The following TET3 variants were observed in gnomAD, a reference collection of about 807,000 sequenced individuals.
TET3 encodes methylcytosine dioxygenase TET3.
TET3 carries 19 observed loss-of-function variants against 141.4 expected under a neutral mutation model. That is an observed-to-expected ratio of 0.13 (90% CI 0.09 to 0.20). The LOEUF (loss-of-function observed/expected upper bound fraction) is 0.20, where lower values mean the gene tolerates loss of function less well. Among genes scored for constraint, TET3 ranks in the 10% least tolerant of loss-of-function variants. The pLI is 1.00. For missense variants in TET3, 1,874 were observed against 2,356.9 expected (o/e 0.80, Z 4.24); for synonymous variants, 1,043 against 980.9 (o/e 1.06, Z -1.18).
In TET3 at chr2:74,003,147, G is replaced by A; in HGVS notation, c.341G>A (p.Gly114Glu). The A allele has an allele frequency of 6.4e-7, 1 of 1,550,492 alleles. No individual in the cohort carries two copies. Among genetic ancestry groups the A allele is most frequent in the Non-Finnish European group, 8.7e-7 (1 of 1,146,942 alleles). Reference protein sequence around the residue: ...IKAGEGAGPWGQGAAVKTGSE... With the variant: ...IKAGEGAGPWEQGAAVKTGSE... ...GCTGGTGAAGGAGCCGGGCCGTGGG[G>A]ACAAGGAGCGGCTGTCAAGGTACCT... is the stretch of plus-strand genomic sequence containing the variant. The change falls in exon 3 of 12, where the codon GGA becomes GAA. Residue 114 changes from glycine (G) to glutamate (E), a missense_variant. Physicochemically the swap from Gly to Glu is moderately conservative, Grantham distance 98. This residue lies in a region of TET3 where 366 missense variants were observed against 487.0 expected (regional missense o/e 0.75). Coordinates refer to ENST00000409262, the MANE Select transcript of TET3 (RefSeq NM_001287491.2).
intron 3 of TET3, among the ~76,000 whole-genome samples, chr2:74,034,558 A>G (rs1686923073): frequency 1.4e-5 from 2 of 147,104 alleles, no homozygotes; most frequent in Admixed American, 1.4e-4. Context: ...GGACATATGT[A>G]GTCCTCGAGC....
the TET3 span, among the ~76,000 whole-genome samples, chr2:74,127,958 T>G: frequency 9.9e-5 from 15 of 152,238 alleles, no homozygotes; most frequent in African/African-American, 1.4e-4. Flanking sequence ...GAATTTCCAT[T>G]TCTAGTCAAA....
chr2:74,018,047 A>T (rs1685829570), intron 3 of TET3, among the ~76,000 whole-genome samples: 1 of 144,806 alleles, frequency 6.9e-6, no homozygotes, highest in South Asian at 2.1e-4. Context: ...GGCTCACTGC[A>T]ACCTCCTCCT....
At chr2:74,099,251 C>G in intron 10 of TET3, 25 bp from the exon 11 acceptor site, 1 of 1,543,772 alleles carries the variant, frequency 6.5e-7, no homozygotes, top group South Asian at 1.2e-5. Context: ...ACCCCATGTC[C>G]TCTCTCCCCC....
intron 3 of TET3, 147 bp downstream of exon 3, chr2:74,003,313 G>A (rs960999017): frequency 1.3e-5 from 13 of 1,013,806 alleles, no homozygotes; most frequent in Non-Finnish European, 1.8e-5. Context: ...GAGGGGCGGC[G>A]GGGGTGTGGG....
chr2:74,029,550 C>A (rs1686557763), intron 3 of TET3, among the ~76,000 whole-genome samples: 1 of 152,180 alleles, frequency 6.6e-6, no homozygotes, highest in Non-Finnish European at 1.5e-5. Context: ...TGAGAAAAAA[C>A]CACTGATATA....
chr2:74,131,827 C>T, the TET3 span, among the ~76,000 whole-genome samples: 830 of 152,016 alleles, frequency 5.5e-3, 5 homozygotes, highest in Non-Finnish European at 5.4e-3. Flanking sequence ...TGGGATTAAA[C>T]ACGTTCTTCT....
In TET3 at chr2:74,102,071, G is replaced by A; in HGVS notation, c.5283G>A (p.Gly1761=). The A allele has an allele frequency of 2.0e-6, 3 of 1,514,738 alleles. No homozygotes were observed. The highest frequency in any genetic ancestry group is 2.6e-6 in the Non-Finnish European group (3 of 1,133,222). The allele number at this position is 1,514,738 out of a possible 1,614,324, so 93.8% of individuals were successfully genotyped here. The change falls in exon 12 of 12, where the codon GGG becomes GGA. Residue 1761 remains glycine (G), a synonymous_variant. Coordinates refer to ENST00000409262, the MANE Select transcript of TET3 (RefSeq NM_001287491.2). ...AGCCCCAGCAGAAAGAGAAGAAGGG[G>A]GTCGTCCCCACCCGGCAGGCACTGG... ...VAEPQQKEKK[G]VVPTRQALAV... is the part of the protein sequence containing the mutation.
chr2:74,032,014 C>G (rs1167078572), intron 3 of TET3, among the ~76,000 whole-genome samples: 2 of 152,184 alleles, frequency 1.3e-5, no homozygotes, highest in African/African-American at 4.8e-5. Flanking sequence ...ACCTCATCTA[C>G]TAAAATGGAT....
At chr2:74,028,794 A>G (rs1019419968) in intron 3 of TET3, among the ~76,000 whole-genome samples, 2 of 152,242 alleles carry the variant, frequency 1.3e-5, no homozygotes, top group Non-Finnish European at 2.9e-5. Context: ...GAATTACTAG[A>G]AAAATGATCA....
chr2:74,032,304 G>A (rs1312734826), intron 3 of TET3, among the ~76,000 whole-genome samples: 2 of 150,718 alleles, frequency 1.3e-5, no homozygotes, highest in African/African-American at 2.4e-5. Flanking sequence ...GGAGGTGTGG[G>A]TGATGAGGAG....
At chr2:74,003,187 CGTGTGTGTGCGTGT>C (rs1684956528) in intron 3 of TET3, 21 bp downstream of exon 3, 4 of 1,233,490 alleles carry the variant, frequency 3.2e-6, no homozygotes, top group African/African-American at 1.8e-5. Flanking sequence ...TGTGTGCGTG[CGTGTGTGTGCGTGT>C]GTGTGGTGGC....
chr2:74,074,720 G>A (rs148015449), intron 5 of TET3, among the ~76,000 whole-genome samples: 2 of 151,112 alleles, frequency 1.3e-5, no homozygotes, highest in East Asian at 3.9e-4. Flanking sequence ...GGAGTGTCCC[G>A]AGGATAAACT....
chr2:74,053,264 A>G (rs1237809404), intron 4 of TET3, among the ~76,000 whole-genome samples: 1 of 152,214 alleles, frequency 6.6e-6, no homozygotes, highest in Non-Finnish European at 1.5e-5. Flanking sequence ...CCATCCTATA[A>G]CACCATTGTC....
chr2:74,127,760 G>A, the TET3 span, among the ~76,000 whole-genome samples: 44,291 of 151,634 alleles, frequency 0.29, 6,780 homozygotes, highest in East Asian at 0.49. Flanking sequence ...GTTTGTATAG[G>A]GCACGGGAGA....
In TET3 at chr2:74,102,099, G is replaced by T; in HGVS notation, c.5311G>T (p.Val1771Leu). The T allele has an allele frequency of 6.7e-7, 1 of 1,501,608 alleles. No homozygotes were observed. Among genetic ancestry groups the T allele is most frequent in the Non-Finnish European group, 8.9e-7 (1 of 1,126,584 alleles). 93.0% of individuals were successfully genotyped at this position (1,501,608 alleles called of 1,614,324 possible). ...CGTCCCCACCCGGCAGGCACTGGCT[G>T]TGCCCACAGACTCGGCGGTCACCGT... ...GVVPTRQALA[V>L]PTDSAVTVSS... Residue 1771 changes from valine (V) to leucine (L), a missense_variant, in exon 12 of 12, where the codon GTG (valine) becomes TTG (leucine). Transcript: ENST00000409262.
intron 4 of TET3, among the ~76,000 whole-genome samples, chr2:74,062,376 T>C (rs543264651): frequency 6.6e-6 from 1 of 152,396 alleles, no homozygotes; most frequent in African/African-American, 2.4e-5. Context: ...ACACTAAATC[T>C]GTTCAAATGT....
intron 4 of TET3, among the ~76,000 whole-genome samples, chr2:74,067,429 C>CT (rs1171818876): frequency 2.6e-5 from 4 of 152,160 alleles, no homozygotes; most frequent in African/African-American, 9.7e-5. Flanking sequence ...AAATACTGTG[C>CT]TAAGCCCTTT....
rs1489395847 is a variant in TET3, at chr2:74,088,501, C to T, written c.2888+463C>T. Among the ~76,000 whole-genome samples the T allele has an allele frequency of 3.3e-5, 5 of 151,878 alleles. 1 individual carries two copies. Among genetic ancestry groups the T allele is most frequent in the Non-Finnish European group, 5.9e-5 (4 of 67,970 alleles). On this transcript the variant is annotated intron_variant, in intron 7 of 11. Coordinates refer to ENST00000409262, the MANE Select transcript of TET3 (RefSeq NM_001287491.2). The stretch of plus-strand genomic sequence containing the variant: ...ACTAAAAATAAAAAAATTAGTCAGG[C>T]GTGGTGGCACACACCTGTAGTCCCA...
Sources: allele counts gnomAD v4.1 joint callset (sites outside exome capture counted in the v4.1 genomes callset), GRCh38; gene constraint gnomAD v4.1.1; regional missense constraint gnomAD v4.1.1; transcripts MANE v1.5; gene names NCBI Gene and HGNC (gene_info 2026-07-23, HGNC 2026-07-21).